The following SOX30 variants were observed in gnomAD, a reference collection of about 807,000 sequenced individuals.
The protein encoded by SOX30 is SRY-box transcription factor 30.
SOX30 carries 17 observed loss-of-function variants against 58.6 expected under a neutral mutation model. The ratio of observed to expected loss-of-function variants is 0.29; its 90% confidence interval spans 0.20 to 0.44. The LOEUF (loss-of-function observed/expected upper bound fraction) is 0.44, where lower values mean the gene tolerates loss of function less well. Among genes scored for constraint, SOX30 ranks in the 20% least tolerant of loss-of-function variants. The probability of loss-of-function intolerance (pLI) is 1.00; values close to 1 mark genes in which losing one functional copy is unlikely to be tolerated. For synonymous variants in SOX30, 421 were observed against 400.2 expected (o/e 1.05, Z -0.62); for missense variants, 951 against 965.8 (o/e 0.98, Z 0.20).
exon 1 of SOX30, chr5:157,671,475 C>A: frequency 1.5e-6 from 1 of 668,616 alleles, no homozygotes; most frequent in Non-Finnish European, 2.6e-6. Flanking sequence ...TCCCCGCAGC[C>A]AATATGTGTC....
intron 4 of SOX30, among the ~76,000 whole-genome samples, chr5:157,630,645 T>C (rs374492215): frequency 4.0e-5 from 6 of 151,870 alleles, no homozygotes; most frequent in Non-Finnish European, 5.9e-5. Flanking sequence ...TCTTTACAGA[T>C]TGGCTTTGAA....
chr5:157,652,289 T>A lies in SOX30; in HGVS notation c.-211A>T. The A allele has an allele frequency of 1.6e-6, 2 of 1,245,526 alleles. No individual in the cohort carries two copies. The highest frequency in any genetic ancestry group is 2.0e-6 in the Non-Finnish European group (2 of 997,534). 77.2% of individuals were successfully genotyped at this position (1,245,526 alleles called of 1,614,324 possible). A position where few individuals can be genotyped will look rare whatever the true frequency, so the allele number is the denominator to read the frequency against. On this transcript the variant is annotated 5_prime_UTR_variant, in exon 1 of 5. Transcript: ENST00000265007. Reference sequence around the variant, plus strand: ...AGGCGGGTTTTCCGGCTCTTCCTGGTCCCTACTCTCGCCTCGTGCTGAGTC... The same window carrying A: ...AGGCGGGTTTTCCGGCTCTTCCTGGACCCTACTCTCGCCTCGTGCTGAGTC...
chr5:157,638,384 T>C lies in SOX30; in HGVS notation c.1726A>G (p.Arg576Gly), dbSNP rs373125772. The change falls in exon 4 of 5, where the codon AGA (arginine) becomes GGA (glycine). Residue 576 changes from arginine to glycine, a missense_variant. By Grantham distance (125) the Arg-to-Gly change is moderately radical. Transcript: ENST00000265007. The stretch of plus-strand genomic sequence containing the variant: ...GAAGCCTGGGGGATTGGAGCACTTC[T>C]GGGACAAGGGGAAACGCTGGAATAC... The part of the protein sequence containing the change: ...REYSSVSPCP[R>G]SAPIPQASPI... The C allele has an allele frequency of 3.7e-6, 6 of 1,613,750 alleles. No individual in the cohort carries two copies. The East Asian group carries it at 8.9e-5, about 24-fold the overall frequency.
Position 157,651,509 on chromosome 5 carries a change from C to A in SOX30, c.570G>T (p.Glu190Asp), listed in dbSNP as rs2113850283. Residue 190 changes from glutamate to aspartate, a missense_variant, in exon 1 of 5, where the codon GAG becomes GAT. By Grantham distance (45) the Glu-to-Asp change is conservative. Coordinates refer to ENST00000265007, the MANE Select transcript of SOX30 (RefSeq NM_178424.2). ...GDEKGKLEAE[E>D]VMRDSMQGGA... ...CGCCTTGCATCGAGTCTCTCATGAC[C>A]TCCTCCGCCTCCAGCTTGCCCTTCT... is the stretch of plus-strand genomic sequence containing the variant. 2 of 1,613,436 alleles carry A rather than the reference C, an allele frequency of 1.2e-6. No individual in the cohort carries two copies. The highest frequency in any genetic ancestry group is 1.7e-6 in the Non-Finnish European group (2 of 1,180,036).
At chr5:157,662,264 G>T (rs1395944899) in intron 2 of SOX30, among the ~76,000 whole-genome samples, 1 of 151,978 alleles carries the variant, frequency 6.6e-6, no homozygotes, top group Non-Finnish European at 1.5e-5. Context: ...TGACTAAAAA[G>T]TTAACAATTT....
chr5:157,637,739 C>T (rs1451434655), intron 4 of SOX30, among the ~76,000 whole-genome samples: 2 of 151,958 alleles, frequency 1.3e-5, no homozygotes, highest in African/African-American at 4.8e-5. Flanking sequence ...GTCACCCAGG[C>T]TGCAGTGAAG....
At chr5:157,642,999 T>A (rs1417096590) in intron 3 of SOX30, among the ~76,000 whole-genome samples, 1 of 152,136 alleles carries the variant, frequency 6.6e-6, no homozygotes, top group Non-Finnish European at 1.5e-5. Context: ...AACTACAGTA[T>A]AATGACAAGT....
intron 1 of SOX30, among the ~76,000 whole-genome samples, chr5:157,669,439 T>G (rs1759731522): frequency 6.6e-6 from 1 of 152,090 alleles, no homozygotes; most frequent in African/African-American, 2.4e-5. Context: ...CTCTCCCCGA[T>G]CTCCCAAAGA....
At chr5:157,645,313 A>C (rs1013890005) in intron 3 of SOX30, among the ~76,000 whole-genome samples, 5 of 152,210 alleles carry the variant, frequency 3.3e-5, no homozygotes, top group African/African-American at 4.8e-5. Context: ...TATTACCAGA[A>C]GGATTTAAAG....
Position 157,652,420 on chromosome 5 carries a change from C to T in SOX30, c.-342G>A, listed in dbSNP as rs765706498. On this transcript the variant is annotated 5_prime_UTR_variant, in exon 1 of 5. Coordinates refer to ENST00000265007, the MANE Select transcript of SOX30 (RefSeq NM_178424.2). ...CCGTTGTCTTTAGTCATCCCTCCCC[C>T]ACCCGGAGCTGCGACAATGGCGTTG... 1.9e-6 allele frequency: 2 copies of T among 1,044,854 alleles called. No homozygotes were observed. The highest frequency in any genetic ancestry group is 1.7e-5 in the African/African-American group (1 of 59,608). The allele number at this position is 1,044,854 out of a possible 1,614,324, so 64.7% of individuals were successfully genotyped here. A position where few individuals can be genotyped will look rare whatever the true frequency, so the allele number is the denominator to read the frequency against.
intron 3 of SOX30, among the ~76,000 whole-genome samples, chr5:157,639,139 TA>T (rs1169114533): frequency 6.6e-6 from 1 of 152,120 alleles, no homozygotes; most frequent in Non-Finnish European, 1.5e-5. Context: ...TATATACATT[TA>T]AAAATAATAA....
intron 4 of SOX30, among the ~76,000 whole-genome samples, chr5:157,637,918 T>C (rs2037417583): frequency 6.6e-6 from 1 of 152,100 alleles, no homozygotes; most frequent in African/African-American, 2.4e-5. Flanking sequence ...GGTCTCAAAC[T>C]CCTGACCTCG....
At chr5:157,666,502 C>T (rs1759675660) in intron 2 of SOX30, among the ~76,000 whole-genome samples, 1 of 151,092 alleles carries the variant, frequency 6.6e-6, no homozygotes, top group Admixed American at 6.6e-5. Flanking sequence ...CACACACACA[C>T]ACACACACAC....
chr5:157,660,950 C>G (rs991002301), intron 2 of SOX30, among the ~76,000 whole-genome samples: 3 of 152,156 alleles, frequency 2.0e-5, no homozygotes, highest in Admixed American at 6.5e-5. Flanking sequence ...TGGGACATAT[C>G]TCCATTTATT....
chr5:157,651,140 G>T lies in SOX30; in HGVS notation c.939C>A (p.Val313=). 6.4e-7 allele frequency: 1 copy of T among 1,565,664 alleles called. No homozygotes were observed. Among genetic ancestry groups the T allele is most frequent in the East Asian group, 2.3e-5 (1 of 44,382 alleles). Residue 313 remains valine (V), a synonymous_variant, in exon 1 of 5, where the codon GTC becomes GTA. Transcript: ENST00000265007. ...EPSVKIETKD[V]PLTVLPSDAG... ...CATCTGAGGGCAACACGGTGAGCGGGACATCTTTGGTTTCAATTTTTACAG... is the reference window on the plus strand; with the variant it reads ...CATCTGAGGGCAACACGGTGAGCGGTACATCTTTGGTTTCAATTTTTACAG...
intron 1 of SOX30, among the ~76,000 whole-genome samples, chr5:157,668,237 T>C (rs926313228): frequency 1.8e-4 from 28 of 152,182 alleles, no homozygotes; most frequent in African/African-American, 6.0e-4. Context: ...GTTGATAACA[T>C]GTCAAGAAGG....
chr5:157,644,449 G>A (rs1232845086), intron 3 of SOX30, among the ~76,000 whole-genome samples: 1 of 152,146 alleles, frequency 6.6e-6, no homozygotes, highest in Non-Finnish European at 1.5e-5. Flanking sequence ...ACAACATCAT[G>A]GAGAAAGAAC....
intron 4 of SOX30, among the ~76,000 whole-genome samples, chr5:157,633,077 A>C (rs995166549): frequency 6.6e-6 from 1 of 152,180 alleles, no homozygotes; most frequent in African/African-American, 2.4e-5. Context: ...AAAACAAAAA[A>C]AAGAAAAATT....
At chr5:157,659,566 C>T (rs1759540036) in intron 2 of SOX30, among the ~76,000 whole-genome samples, 1 of 152,216 alleles carries the variant, frequency 6.6e-6, no homozygotes. Context: ...TCCATTCCTT[C>T]CATCTATGTA....
Sources: gnomAD v4.1 joint callset for allele counts (sites outside exome capture counted in the v4.1 genomes callset) on GRCh38, gnomAD v4.1.1 for gene constraint, MANE v1.5 for transcripts, NCBI Gene and HGNC (gene_info 2026-07-23, HGNC 2026-07-21) for gene names.